Variants in B3GNT2 observed in about 807,000 individuals in gnomAD.
B3GNT2 encodes N-acetyllactosaminide beta-1,3-N-acetylglucosaminyltransferase 2.
A neutral mutation model predicts 27.6 loss-of-function variants in B3GNT2; 12 were observed. The ratio of observed to expected loss-of-function variants is 0.44; its 90% CI spans 0.28 to 0.71. The LOEUF (loss-of-function observed/expected upper bound fraction) is 0.71, where lower values mean the gene tolerates loss of function less well. B3GNT2 is among the 30% of genes least tolerant of loss of function. B3GNT2 has a pLI of 0.17. For missense variants in B3GNT2, 413 were observed against 488.5 expected, an observed-to-expected ratio of 0.85 and a Z score of 1.46; for synonymous variants, 192 against 189.7, an observed-to-expected ratio of 1.01 and a Z score of -0.10.
chr2:62,198,907 C>A (rs923166894), intron 1 of B3GNT2, among the ~76,000 whole-genome samples: 4 of 152,038 alleles, frequency 2.6e-5, no homozygotes, highest in African/African-American at 4.8e-5. Context: ...GGTGAATCTT[C>A]TGTTTCTCAA....
intron 1 of B3GNT2, among the ~76,000 whole-genome samples, chr2:62,207,622 A>C (rs1010503511): frequency 6.6e-6 from 1 of 152,152 alleles, no homozygotes; most frequent in African/African-American, 2.4e-5. Flanking sequence ...GTCTCACCCT[A>C]GATCATCAGG....
chr2:62,196,662 C>G (rs1277972484), intron 1 of B3GNT2, among the ~76,000 whole-genome samples: 14 of 152,262 alleles, frequency 9.2e-5, no homozygotes. Flanking sequence ...CCTCCCAACC[C>G]ATTCCGTGCC....
chr2:62,197,707 A>T (rs1674180806), intron 1 of B3GNT2, among the ~76,000 whole-genome samples: 3 of 152,298 alleles, frequency 2.0e-5, no homozygotes, highest in Admixed American at 2.0e-4. Context: ...GTGGTAAACG[A>T]GGTGGCCGAC....
chr2:62,206,505 T>C (rs78919852), intron 1 of B3GNT2, among the ~76,000 whole-genome samples: 4,462 of 152,268 alleles, frequency 0.029, 90 homozygotes, highest in Admixed American at 0.058. Context: ...TTTATCTCAT[T>C]TCTCTATTTT....
chr2:62,209,613 C>T (rs891829321), intron 1 of B3GNT2, among the ~76,000 whole-genome samples: 1 of 152,078 alleles, frequency 6.6e-6, no homozygotes, highest in Non-Finnish European at 1.5e-5. Flanking sequence ...CAGGCCAGAC[C>T]CTTTACCCGC....
rs1300470107 is a variant in B3GNT2 at position 62,206,963 on chromosome 2, A to G, written c.-10+10608A>G. Among the ~76,000 whole-genome samples, 3 of 152,332 alleles carry G rather than the reference A, an allele frequency of 2.0e-5. No individual in the cohort carries two copies. In the East Asian group the frequency reaches 5.8e-4, roughly 29 times the overall value. ...ACTACCAAGAAATTGAGACTTCCCA[A>G]AGCAATTTATTAAATTACTTAAAAT... On this transcript the variant is annotated intron_variant, in intron 1 of 1. Coordinates refer to ENST00000301998, the MANE Select transcript of B3GNT2 (RefSeq NM_006577.6).
At chr2:62,199,903 G>A (rs980828081) in intron 1 of B3GNT2, among the ~76,000 whole-genome samples, 7 of 152,214 alleles carry the variant, frequency 4.6e-5, no homozygotes, top group African/African-American at 1.7e-4. Context: ...GTGGGGTAAG[G>A]TTTTGGGAGA....
rs1405469484 is a variant in B3GNT2, at chr2:62,223,336, G to T, written c.1116G>T (p.Leu372=). 13 of 1,613,844 alleles carry T rather than the reference G, an allele frequency of 8.1e-6. 1 individual carries two copies. Among genetic ancestry groups the T allele is most frequent in the Middle Eastern group, 3.3e-4 (2 of 6,084 alleles). Reference sequence around the variant, plus strand: ...ATAACATCTGCTCCTATGTAGATCTGATGTTAGTACATAGTAGAAAACCTC... The same window carrying T: ...ATAACATCTGCTCCTATGTAGATCTTATGTTAGTACATAGTAGAAAACCTC... The part of the protein sequence containing the change: ...NKNNICSYVD[L]MLVHSRKPQE... The change falls in exon 2 of 2, where the codon CTG becomes CTT. Residue 372 remains leucine (L), a synonymous_variant. Transcript: ENST00000301998.
At chr2:62,203,791 A>G (rs939069380) in intron 1 of B3GNT2, among the ~76,000 whole-genome samples, 6 of 152,164 alleles carry the variant, frequency 3.9e-5, no homozygotes, top group Non-Finnish European at 7.4e-5. Context: ...GGGGTCAGGG[A>G]CTGGCTGATG....
intron 1 of B3GNT2, among the ~76,000 whole-genome samples, chr2:62,202,576 G>T (rs1674289383): frequency 6.6e-6 from 1 of 152,150 alleles, no homozygotes; most frequent in African/African-American, 2.4e-5. Context: ...GAGAGAGGGT[G>T]TGGGTGCTGA....
intron 1 of B3GNT2, among the ~76,000 whole-genome samples, chr2:62,200,886 C>T (rs998298237): frequency 2.0e-5 from 3 of 152,140 alleles, no homozygotes; most frequent in Admixed American, 6.5e-5. Context: ...TGTGTGACTA[C>T]GGACAAGTTA....
At chr2:62,209,682 G>A (rs968143398) in intron 1 of B3GNT2, among the ~76,000 whole-genome samples, 1 of 152,062 alleles carries the variant, frequency 6.6e-6, no homozygotes. Flanking sequence ...GGTGGGTAAC[G>A]CTGGTTCTTT....
At chr2:62,212,793 A>T in intron 1 of B3GNT2, among the ~76,000 whole-genome samples, 1 of 152,058 alleles carries the variant, frequency 6.6e-6, no homozygotes, top group African/African-American at 2.4e-5. Flanking sequence ...TAGTTTACTC[A>T]AGTGTCATAT....
chr2:62,203,190 G>C (rs1308236533), intron 1 of B3GNT2, among the ~76,000 whole-genome samples: 80 of 152,160 alleles, frequency 5.3e-4, no homozygotes, highest in Non-Finnish European at 8.8e-5. Flanking sequence ...AGGGGAAACT[G>C]AGGGCTCAAA....
chr2:62,222,167 C>T lies in B3GNT2; in HGVS notation c.-9-45C>T. The T allele has an allele frequency of 6.7e-7, 1 of 1,488,208 alleles. No homozygotes were observed. Among genetic ancestry groups the T allele is most frequent in the Non-Finnish European group, 9.0e-7 (1 of 1,105,356 alleles). 92.2% of individuals were successfully genotyped at this position (1,488,208 alleles called of 1,614,324 possible). A position where few individuals can be genotyped will look rare whatever the true frequency, so the allele number is the denominator to read the frequency against. On this transcript the variant is annotated intron_variant, in intron 1 of 1. Transcript: ENST00000301998. This position sits in a 1 kb window ranked among gnomAD's most constrained non-coding sequence, Gnocchi z 4.2. ...GTAAAATAAATTGTATGTGCAAATG[C>T]AAATTGATAAGTAATTGATACAATA...
At chr2:62,208,067 G>T (rs940660572) in intron 1 of B3GNT2, among the ~76,000 whole-genome samples, 1 of 152,110 alleles carries the variant, frequency 6.6e-6, no homozygotes, top group African/African-American at 2.4e-5. Context: ...TTTGTAAATT[G>T]GTCATTAGTT....
chr2:62,205,075 CGAGA>C (rs1370995471), intron 1 of B3GNT2, among the ~76,000 whole-genome samples: 1 of 152,146 alleles, frequency 6.6e-6, no homozygotes, highest in Non-Finnish European at 1.5e-5. Flanking sequence ...GGCAGACCGG[CGAGA>C]TTGGAAGCCC....
chr2:62,223,134 G>T lies in B3GNT2; in HGVS notation c.914G>T (p.Gly305Val). The change falls in exon 2 of 2, where the codon GGG becomes GTG. Residue 305 changes from glycine to valine, a missense_variant. Coordinates refer to ENST00000301998, the MANE Select transcript of B3GNT2 (RefSeq NM_006577.6). ...TCTGGCCTCTACCCACCCTATGCAG[G>T]GGGAGGGGGGTTCCTCTACTCCGGC... ...VYSGLYPPYA[G>V]GGGFLYSGHL... 1 of 1,614,162 alleles carries T rather than the reference G, an allele frequency of 6.2e-7. No individual in the cohort carries two copies. Among genetic ancestry groups the T allele is most frequent in the Non-Finnish European group, 8.5e-7 (1 of 1,180,022 alleles).
intron 1 of B3GNT2, among the ~76,000 whole-genome samples, chr2:62,216,442 G>A (rs1674574341): frequency 6.6e-6 from 1 of 150,394 alleles, no homozygotes; most frequent in Non-Finnish European, 1.5e-5. Flanking sequence ...GTCTCACTCT[G>A]TCACTCAGCC....
Sources: allele counts gnomAD v4.1 joint callset (sites outside exome capture counted in the v4.1 genomes callset), GRCh38; gene constraint gnomAD v4.1.1; non-coding constraint Gnocchi (gnomAD v3.1); transcripts MANE v1.5; gene names NCBI Gene and HGNC (gene_info 2026-07-23, HGNC 2026-07-21).